The following LTBP2 variants were observed in gnomAD, a reference collection of about 807,000 sequenced individuals.
LTBP2 encodes the protein latent-transforming growth factor beta-binding protein 2.
A neutral mutation model predicts 210.6 loss-of-function variants in LTBP2; 103 were observed. The ratio of observed to expected loss-of-function variants is 0.49; its 90% CI spans 0.42 to 0.58. The LOEUF (loss-of-function observed/expected upper bound fraction) is 0.58. Among genes scored for constraint, LTBP2 ranks in the 20% least tolerant of loss-of-function variants. LTBP2 has a pLI of 0.00. For missense variants in LTBP2, 2,313 were observed against 2,494.5 expected (o/e 0.93, Z 1.55); for synonymous variants, 1,007 against 1,015.0 (o/e 0.99, Z 0.15).
At position 74,508,838 on chromosome 14, in the gene LTBP2, A is replaced by G. The variant is rs959867560; in HGVS notation, c.3518T>C (p.Val1173Ala). The change falls in exon 23 of 36, where the codon GTG (valine) becomes GCG (alanine). Residue 1173 changes from valine to alanine, a missense_variant. Physicochemically the swap from Val to Ala is moderately conservative, Grantham distance 64. This residue lies in a region of LTBP2 where 1,867 missense variants were observed against 1,976.9 expected (regional missense o/e 0.94). Coordinates refer to ENST00000261978, the MANE Select transcript of LTBP2 (RefSeq NM_000428.3). ...TGACCTGGGTCACTCACCCTCACAC[A>G]CGGTGCCATTGGCCAGCTGGAAGCC... is the stretch of plus-strand genomic sequence containing the variant. ...PQGFQLANGTVCEDVNECMGE... is the reference protein window; with the variant it reads ...PQGFQLANGTACEDVNECMGE... 7 of 1,613,452 alleles carry G rather than the reference A, an allele frequency of 4.3e-6. No homozygotes were observed. The Admixed American group carries it at 1.0e-4, about 23-fold the overall frequency.
At chr14:74,578,033 C>T (rs1311955721) in intron 3 of LTBP2, among the ~76,000 whole-genome samples, 4 of 151,848 alleles carry the variant, frequency 2.6e-5, no homozygotes, top group African/African-American at 9.7e-5. Context: ...GCAGAAGGCC[C>T]GCAGCAGCAC....
chr14:74,510,423 G>A (rs1391296669), intron 19 of LTBP2, among the ~76,000 whole-genome samples: 2 of 152,216 alleles, frequency 1.3e-5, no homozygotes, highest in Non-Finnish European at 2.9e-5. Flanking sequence ...GCCCTATCTA[G>A]TAACTCAGAG....
Position 74,608,730 on chromosome 14 carries a change from A to T in LTBP2, c.494+2721T>A, listed in dbSNP as rs145368690. Among the ~76,000 whole-genome samples, 720 of 137,694 alleles carry T rather than the reference A, an allele frequency of 5.2e-3. 6 individuals carry two copies. Among genetic ancestry groups the T allele is most frequent in the African/African-American group, 0.019 (678 of 36,060 alleles). The allele number at this position is 137,694 out of a possible 152,430, so 90.3% of individuals were successfully genotyped here. A position where few individuals can be genotyped will look rare whatever the true frequency, so the allele number is the denominator to read the frequency against. ...TCAAAAAAAAGAAAAAAAAAAAAAGAAAAAAAGAAAGAAAGAATAAAGAAA... is the reference window on the plus strand; with the variant it reads ...TCAAAAAAAAGAAAAAAAAAAAAAGTAAAAAAGAAAGAAAGAATAAAGAAA... On this transcript the variant is annotated intron_variant, in intron 1 of 35. Coordinates refer to ENST00000261978, the MANE Select transcript of LTBP2 (RefSeq NM_000428.3).
chr14:74,595,747 TG>T (rs1471891834), intron 2 of LTBP2, among the ~76,000 whole-genome samples: 1 of 152,222 alleles, frequency 6.6e-6, no homozygotes, highest in African/African-American at 2.4e-5. Context: ...GGATCTCACC[TG>T]GGGCCAGTTT....
At chr14:74,525,079 CA>C in intron 15 of LTBP2, 44 bp downstream of exon 15, 1 of 1,122,314 alleles carries the variant, frequency 8.9e-7, no homozygotes, top group African/African-American at 1.6e-5. Flanking sequence ...AGACACAGCT[CA>C]CAGGGCAGGG....
intron 4 of LTBP2, among the ~76,000 whole-genome samples, chr14:74,554,622 G>A (rs868245365): frequency 2.0e-5 from 3 of 152,142 alleles, no homozygotes; most frequent in African/African-American, 7.2e-5. Flanking sequence ...CTATAGAGAC[G>A]GGAAATAGGT....
chr14:74,546,070 A>G (rs922427303), intron 8 of LTBP2, among the ~76,000 whole-genome samples: 1 of 152,240 alleles, frequency 6.6e-6, no homozygotes, highest in Non-Finnish European at 1.5e-5. Flanking sequence ...CCTCAAAGCC[A>G]GAATGTGACT....
chr14:74,606,729 C>A (rs1360628849), intron 1 of LTBP2, among the ~76,000 whole-genome samples: 1 of 152,182 alleles, frequency 6.6e-6, no homozygotes, highest in Non-Finnish European at 1.5e-5. Flanking sequence ...GTCCCAGCTA[C>A]TCACTCGGGA....
At chr14:74,590,996 T>A (rs1332841322) in intron 2 of LTBP2, among the ~76,000 whole-genome samples, 1 of 152,196 alleles carries the variant, frequency 6.6e-6, no homozygotes, top group South Asian at 2.1e-4. Context: ...CTATTGAAAT[T>A]AAATATATAT....
At position 74,500,700 on chromosome 14, in the gene LTBP2, G is replaced by A; in HGVS notation, c.*184C>T. On this transcript the variant is annotated 3_prime_UTR_variant, in exon 36 of 36. Transcript: ENST00000261978. ...ATTGGTGGTGCTTGAGCCAAGCAAGGGCATGGAGGCAATGACCGAAGCTTA... is the reference window on the plus strand; with the variant it reads ...ATTGGTGGTGCTTGAGCCAAGCAAGAGCATGGAGGCAATGACCGAAGCTTA... The A allele has an allele frequency of 1.3e-6, 1 of 744,800 alleles. No homozygotes were observed. Among genetic ancestry groups the A allele is most frequent in the Admixed American group, 2.0e-5 (1 of 48,994 alleles). 46.1% of individuals were successfully genotyped at this position (744,800 alleles called of 1,614,324 possible).
intron 3 of LTBP2, among the ~76,000 whole-genome samples, chr14:74,572,705 T>C (rs970902587): frequency 8.5e-5 from 13 of 152,150 alleles, no homozygotes; most frequent in Admixed American, 8.5e-4. Flanking sequence ...TTATGACTTT[T>C]GAGACATGTT....
At position 74,521,985 on chromosome 14, in the gene LTBP2, C is replaced by T. The variant is rs144907368; in HGVS notation, c.2714G>A (p.Arg905His). Reference sequence around the variant, plus strand: ...GCAGAAGCAGGAGTAGGACCCCACGCGGTTGATGCAGCGCCCTTTTCCCTT... The same window carrying T: ...GCAGAAGCAGGAGTAGGACCCCACGTGGTTGATGCAGCGCCCTTTTCCCTT... ...PCKGKGRCIN[R>H]VGSYSCFCYP... The change falls in exon 17 of 36, where the codon CGC becomes CAC. Residue 905 changes from arginine (R) to histidine (H), a missense_variant. Coordinates refer to ENST00000261978, the MANE Select transcript of LTBP2 (RefSeq NM_000428.3). 84 of 1,614,024 alleles carry T rather than the reference C, an allele frequency of 5.2e-5. No individual in the cohort carries two copies. In the African/African-American group the frequency reaches 8.1e-4, roughly 16 times the overall value.
At chr14:74,504,930 G>A (rs1451446143) in intron 29 of LTBP2, 53 bp downstream of exon 29, 3 of 1,613,586 alleles carry the variant, frequency 1.9e-6, no homozygotes, top group Non-Finnish European at 1.7e-6. Flanking sequence ...CCTTCTTTCA[G>A]TGTCACCTTG....
chr14:74,604,196 A>C (rs1407701558), intron 1 of LTBP2, among the ~76,000 whole-genome samples: 3 of 150,942 alleles, frequency 2.0e-5, no homozygotes, highest in South Asian at 2.1e-4. Flanking sequence ...CACACACACA[A>C]AAAAACACCA....
intron 1 of LTBP2, among the ~76,000 whole-genome samples, chr14:74,607,057 T>C (rs1282575472): frequency 6.6e-6 from 1 of 152,224 alleles, no homozygotes; most frequent in African/African-American, 2.4e-5. Flanking sequence ...CAATTGATAC[T>C]TGTTTCATTT....
rs1216393442 is a variant in LTBP2, at chr14:74,522,915, A to G, written c.2534T>C (p.Ile845Thr). ...GGTGGCTCCAGCAGCGCATCTGTCA[A>G]TGCCTGTGGGAGACAGAGCAAAACA... Reference protein sequence around the residue: ...DVLVTLSTPGIDRCAAGATNV... With the variant: ...DVLVTLSTPGTDRCAAGATNV... Residue 845 changes from isoleucine (I) to threonine (T), a missense_variant, in exon 16 of 36, where the codon ATT becomes ACT. Ile to Thr is a moderately conservative substitution (Grantham distance 89, BLOSUM62 -1). Around this residue, in one of 3 missense-constraint regions of LTBP2, gnomAD observed 1,867 missense variants for 1,976.9 expected, o/e 0.94. Transcript: ENST00000261978. The G allele has an allele frequency of 3.7e-6, 6 of 1,611,818 alleles. No individual in the cohort carries two copies. Among genetic ancestry groups the G allele is most frequent in the South Asian group, 2.2e-5 (2 of 90,448 alleles).
chr14:74,522,395 T>A (rs1178694801), intron 16 of LTBP2, among the ~76,000 whole-genome samples: 1 of 152,170 alleles, frequency 6.6e-6, no homozygotes, highest in African/African-American at 2.4e-5. Context: ...TGATGATTTA[T>A]CTTAGCCTCA....
rs2086888210 is a variant in LTBP2, at chr14:74,499,555, T to C, written c.*1329A>G. ...CTCCAGTCACATGGAGCCTTGTTCA[T>C]TTACATTGCCATTCATCAGAGAAGT... On this transcript the variant is annotated 3_prime_UTR_variant, in exon 36 of 36. Coordinates refer to ENST00000261978, the MANE Select transcript of LTBP2 (RefSeq NM_000428.3). 4.4e-6 allele frequency: 1 copy of C among 228,604 alleles called. No individual in the cohort carries two copies. The highest frequency in any genetic ancestry group is 6.3e-5 in the East Asian group (1 of 15,968). 14.2% of individuals were successfully genotyped at this position (228,604 alleles called of 1,614,324 possible).
At chr14:74,520,634 C>G (rs2087189866) in intron 17 of LTBP2, among the ~76,000 whole-genome samples, 1 of 152,162 alleles carries the variant, frequency 6.6e-6, no homozygotes, top group Non-Finnish European at 1.5e-5. Context: ...AACCCTGTCT[C>G]TACTAAAAAT....
Sources: allele counts gnomAD v4.1 joint callset (sites outside exome capture counted in the v4.1 genomes callset), GRCh38; gene constraint gnomAD v4.1.1; regional missense constraint gnomAD v4.1.1; transcripts MANE v1.5; gene names NCBI Gene and HGNC (gene_info 2026-07-23, HGNC 2026-07-21).